The following PLCE1 variants were observed in gnomAD, a reference collection of about 807,000 sequenced individuals.
The protein encoded by PLCE1 is phospholipase C epsilon 1.
PLCE1 carries 119 observed loss-of-function variants against 242.8 expected under a neutral mutation model. That is an observed-to-expected ratio of 0.49 (90% CI 0.42 to 0.57). The LOEUF (loss-of-function observed/expected upper bound fraction) is 0.57. PLCE1 is among the 20% of genes least tolerant of loss of function. The pLI, the probability that PLCE1 is intolerant of heterozygous loss-of-function variation, is 0.00. For missense variants in PLCE1, 2,441 were observed against 2,788.8 expected, an observed-to-expected ratio of 0.88 and a Z score of 2.81; for synonymous variants, 945 against 1,017.4, an observed-to-expected ratio of 0.93 and a Z score of 1.35.
chr10:94,080,908 A>G (rs2135233216), intron 2 of PLCE1, among the ~76,000 whole-genome samples: 1 of 152,360 alleles, frequency 6.6e-6, no homozygotes, highest in Non-Finnish European at 1.5e-5. Context: ...TCAAAGAAAT[A>G]AAATGTTACA....
In PLCE1 at chr10:94,234,038, C is replaced by A; in HGVS notation, c.1956-16C>A. 6.2e-7 allele frequency: 1 copy of A among 1,607,160 alleles called. No individual in the cohort carries two copies. Among genetic ancestry groups the A allele is most frequent in the Non-Finnish European group, 8.5e-7 (1 of 1,174,058 alleles). On this transcript the variant is annotated splice_polypyrimidine_tract_variant and intron_variant, in intron 5 of 32. Coordinates refer to ENST00000371380, the MANE Select transcript of PLCE1 (RefSeq NM_016341.4). ...ATTTCTCCTTCAGTCTGAAAAATGT[C>A]ATTTACTTGCAATAGGTCAAGAAAA...
chr10:94,255,074 G>A lies in PLCE1; in HGVS notation c.3554+25G>A, dbSNP rs748043040. ...GGTGGGGCCTTAACATGATAAAACA[G>A]AAGGACCCTTCACATTATTCCAGTT... On this transcript the variant is annotated intron_variant, in intron 11 of 32. Coordinates refer to ENST00000371380, the MANE Select transcript of PLCE1 (RefSeq NM_016341.4). 3.1e-6 allele frequency: 5 copies of A among 1,611,508 alleles called. No homozygotes were observed. The East Asian group carries it at 1.1e-4, about 36-fold the overall frequency.
In PLCE1 at chr10:94,306,632, A is replaced by G. The variant is rs776933870; in HGVS notation, c.5828A>G (p.Asn1943Ser). 3.7e-6 allele frequency: 6 copies of G among 1,614,166 alleles called. No homozygotes were observed. In the South Asian group the frequency reaches 6.6e-5, roughly 18 times the overall value. ...TTTCTTCGTTTTGCAGTTGTGGAAAACAATAGTTCAGCGGTAACTGCTCAG... is the reference window on the plus strand; with the variant it reads ...TTTCTTCGTTTTGCAGTTGTGGAAAGCAATAGTTCAGCGGTAACTGCTCAG... ...LVFLRFAVVE[N>S]NSSAVTAQRI... is the part of the protein sequence containing the mutation. Residue 1943 changes from asparagine to serine, a missense_variant, in exon 26 of 33, where the codon AAC (asparagine) becomes AGC (serine). Coordinates refer to ENST00000371380, the MANE Select transcript of PLCE1 (RefSeq NM_016341.4). This position sits in a 1 kb window ranked among gnomAD's most constrained non-coding sequence, Gnocchi z 5.7.
At position 94,246,157 on chromosome 10, in the gene PLCE1, G is replaced by T; in HGVS notation, c.2632G>T (p.Ala878Ser). 1 of 1,614,090 alleles carries T rather than the reference G, an allele frequency of 6.2e-7. No homozygotes were observed. Among genetic ancestry groups the T allele is most frequent in the Non-Finnish European group, 8.5e-7 (1 of 1,180,008 alleles). Residue 878 changes from alanine (A) to serine (S), a missense_variant, in exon 8 of 33, where the codon GCC (alanine) becomes TCC (serine). Coordinates refer to ENST00000371380, the MANE Select transcript of PLCE1 (RefSeq NM_016341.4). ...IHYDQDTHLS[A>S]RCFLQLQPDN... ...CTACGACCAGGACACACACCTCTCT[G>T]CCCGCTGCTTCCTCCAGCTTCAGCC...
At chr10:94,003,046 A>C (rs2060962232) in intron 1 of PLCE1, among the ~76,000 whole-genome samples, 1 of 152,196 alleles carries the variant, frequency 6.6e-6, no homozygotes. Flanking sequence ...TATTTTCTAA[A>C]GGTTTTATAT....
rs201423664 is a variant in PLCE1 at position 94,262,557 on chromosome 10, A to G, written c.3878A>G (p.Asp1293Gly). The G allele has an allele frequency of 9.3e-6, 15 of 1,614,016 alleles. No individual in the cohort carries two copies. The African/African-American group carries it at 2.0e-4, about 22-fold the overall frequency. ...LFIKSKQQLSDNQRQISDAIA... is the reference protein window; with the variant it reads ...LFIKSKQQLSGNQRQISDAIA... ...ATTAAGAGTAAACAGCAGCTATCGG[A>G]CAACCAGAGGCAGATATCTGATGCC... The change falls in exon 14 of 33, where the codon GAC becomes GGC. Residue 1293 changes from aspartate (D) to glycine (G), a missense_variant. Asp to Gly is a moderately conservative substitution (Grantham distance 94, BLOSUM62 -1). This residue lies in a region of PLCE1 where 1,004 missense variants were observed against 1,322.7 expected (regional missense o/e 0.76). Coordinates refer to ENST00000371380, the MANE Select transcript of PLCE1 (RefSeq NM_016341.4).
intron 2 of PLCE1, among the ~76,000 whole-genome samples, chr10:94,040,579 T>C (rs2061746975): frequency 6.6e-6 from 1 of 152,184 alleles, no homozygotes; most frequent in Non-Finnish European, 1.5e-5. Flanking sequence ...GTGCACCTTC[T>C]CTCAGGGTCT....
In PLCE1 at chr10:94,234,287, A is replaced by G; in HGVS notation, c.2189A>G (p.Tyr730Cys). The G allele has an allele frequency of 6.2e-7, 1 of 1,614,112 alleles. No individual in the cohort carries two copies. The highest frequency in any genetic ancestry group is 8.5e-7 in the Non-Finnish European group (1 of 1,180,000). The change falls in exon 6 of 33, where the codon TAC becomes TGC. Residue 730 changes from tyrosine (Y) to cysteine (C), a missense_variant. Tyr to Cys is a radical substitution (Grantham distance 194). Coordinates refer to ENST00000371380, the MANE Select transcript of PLCE1 (RefSeq NM_016341.4). ...ASGLMKLCPRYNSQEETLEFV... is the reference protein window; with the variant it reads ...ASGLMKLCPRCNSQEETLEFV... ...GGTCTCATGAAGCTTTGCCCGCGGT[A>G]CAATTCCCAAGAAGAAACTTTAGAG...
chr10:94,209,635 G>A (rs2136920408), intron 4 of PLCE1, among the ~76,000 whole-genome samples: 1 of 152,298 alleles, frequency 6.6e-6, no homozygotes, highest in African/African-American at 2.4e-5. Flanking sequence ...ATGAATATAA[G>A]AAATAATGCT....
At chr10:94,086,372 C>T (rs77128803) in intron 2 of PLCE1, among the ~76,000 whole-genome samples, 1,711 of 152,266 alleles carry the variant, frequency 0.011, 35 homozygotes, top group African/African-American at 0.038. Context: ...AGTCTTGGCT[C>T]TGATTTGCTT....
At chr10:94,013,083 A>G (rs80114486) in intron 1 of PLCE1, among the ~76,000 whole-genome samples, 19 of 152,300 alleles carry the variant, frequency 1.2e-4, no homozygotes, top group African/African-American at 4.6e-4. Context: ...GTTTAGCCCA[A>G]CTAACCCAAG....
intron 3 of PLCE1, among the ~76,000 whole-genome samples, chr10:94,162,868 T>C (rs1361285621): frequency 6.6e-6 from 1 of 152,236 alleles, no homozygotes; most frequent in Non-Finnish European, 1.5e-5. Context: ...TTTGTTCTCA[T>C]TGGTTTCAAG....
chr10:94,129,767 A>G (rs2046539643), intron 2 of PLCE1, among the ~76,000 whole-genome samples: 1 of 140,778 alleles, frequency 7.1e-6, no homozygotes, highest in African/African-American at 2.4e-5. Flanking sequence ...AAAAACAAAA[A>G]CAAAACAAAC....
At chr10:94,101,637 A>C (rs1307509920) in intron 2 of PLCE1, among the ~76,000 whole-genome samples, 1 of 152,180 alleles carries the variant, frequency 6.6e-6, no homozygotes, top group African/African-American at 2.4e-5. Context: ...TACTCGGTAA[A>C]TACAGGGCCA....
chr10:94,227,244 G>GA (rs938125815), intron 4 of PLCE1, 62 bp from the exon 5 acceptor site: 1,005 of 1,486,550 alleles, frequency 6.8e-4, no homozygotes, highest in Non-Finnish European at 8.1e-4. Flanking sequence ...AATGCTTTTG[G>GA]AAAAAAAAAT....
chr10:94,128,909 A>G (rs186592852), intron 2 of PLCE1, among the ~76,000 whole-genome samples: 15 of 152,366 alleles, frequency 9.8e-5, no homozygotes, highest in African/African-American at 2.9e-4. Flanking sequence ...ATTTGATACC[A>G]TGTAGGAATG....
At chr10:94,032,905 G>C (rs1015363682) in intron 2 of PLCE1, among the ~76,000 whole-genome samples, 3 of 151,774 alleles carry the variant, frequency 2.0e-5, no homozygotes, top group African/African-American at 4.8e-5. Context: ...TTTCAAAATA[G>C]AATTAGCCCT....
chr10:94,328,015 ATAT>A lies in PLCE1; in HGVS notation c.*73_*75del. ...TTAAAGAGTGAACATGGTGGAAAAA[ATAT>A]AATTATTTTCATCAGACTTAAACTG... On this transcript the variant is annotated 3_prime_UTR_variant, in exon 33 of 33. Coordinates refer to ENST00000371380, the MANE Select transcript of PLCE1 (RefSeq NM_016341.4). 1.9e-6 allele frequency: 1 copy of A among 530,618 alleles called. No individual in the cohort carries two copies. Among genetic ancestry groups the A allele is most frequent in the South Asian group, 1.4e-5 (1 of 70,856 alleles). 32.9% of individuals were successfully genotyped at this position (530,618 alleles called of 1,614,324 possible).
intron 2 of PLCE1, among the ~76,000 whole-genome samples, chr10:94,086,030 C>A (rs2044811689): frequency 6.6e-6 from 1 of 152,098 alleles, no homozygotes; most frequent in Non-Finnish European, 1.5e-5. Flanking sequence ...AATGCCAGAT[C>A]CTGGGGGCAT....
Sources: allele counts gnomAD v4.1 joint callset (sites outside exome capture counted in the v4.1 genomes callset), GRCh38; gene constraint gnomAD v4.1.1; regional missense constraint gnomAD v4.1.1; non-coding constraint Gnocchi (gnomAD v3.1); transcripts MANE v1.5; gene names NCBI Gene and HGNC (gene_info 2026-07-23, HGNC 2026-07-21).